LRRC7: variants seen among roughly 807,000 people sequenced by gnomAD.
LRRC7 encodes leucine rich repeat containing 7.
In LRRC7, 23 loss-of-function variants were observed where a neutral mutation model predicts 175.7. The observed-to-expected ratio is 0.13, with a 90% CI of 0.09 to 0.19. LRRC7 has a LOEUF of 0.19. LRRC7 is among the 10% of genes least tolerant of loss of function. The pLI is 1.00. For synonymous variants in LRRC7, 685 were observed against 680.9 expected (o/e 1.01, Z -0.09); for missense variants, 1,354 against 1,904.7 (o/e 0.71, Z 5.38).
chr1:69,724,898 A>G (rs1666772702), intron 2 of LRRC7, among the ~76,000 whole-genome samples: 1 of 152,130 alleles, frequency 6.6e-6, no homozygotes, highest in South Asian at 2.1e-4. Context: ...TGGTTCATAT[A>G]TTTAGTTTTT....
intron 18 of LRRC7, among the ~76,000 whole-genome samples, chr1:70,034,077 T>C (rs1045284091): frequency 2.6e-5 from 4 of 152,118 alleles, no homozygotes; most frequent in African/African-American, 9.7e-5. Flanking sequence ...ATTAATAAAA[T>C]ATAAAAATAG....
At chr1:70,020,142 G>GT (rs1657330519) in intron 15 of LRRC7, among the ~76,000 whole-genome samples, 1 of 151,964 alleles carries the variant, frequency 6.6e-6, no homozygotes, top group Non-Finnish European at 1.5e-5. Context: ...TCATCCTTTG[G>GT]TTTTCCAGGC....
chr1:69,916,780 A>C (rs1455230331), intron 7 of LRRC7, among the ~76,000 whole-genome samples: 1 of 152,162 alleles, frequency 6.6e-6, no homozygotes, highest in Non-Finnish European at 1.5e-5. Context: ...TTGGCAAGTT[A>C]CTTGCGCTCA....
intron 2 of LRRC7, among the ~76,000 whole-genome samples, chr1:69,704,665 CTT>C (rs886115164): frequency 6.6e-6 from 1 of 151,884 alleles, no homozygotes; most frequent in African/African-American, 2.4e-5. Flanking sequence ...CACTTTATAA[CTT>C]TATTATTTCC....
At chr1:69,918,451 A>G (rs1408865694) in intron 7 of LRRC7, among the ~76,000 whole-genome samples, 1 of 152,160 alleles carries the variant, frequency 6.6e-6, no homozygotes, top group Non-Finnish European at 1.5e-5. Flanking sequence ...GAAATTAAAA[A>G]CCCTGTTACA....
At chr1:69,753,296 ATG>A (rs35799015) in intron 2 of LRRC7, among the ~76,000 whole-genome samples, 1,961 of 146,318 alleles carry the variant, frequency 0.013, 46 homozygotes, top group African/African-American at 0.041. Context: ...GTGTGTGTGT[ATG>A]TGTGTGTGTG....
At chr1:69,687,784 A>T (rs1661372004) in intron 2 of LRRC7, among the ~76,000 whole-genome samples, 1 of 152,110 alleles carries the variant, frequency 6.6e-6, no homozygotes, top group African/African-American at 2.4e-5. Context: ...TTTTGTGTTT[A>T]TATAACTGAA....
intron 8 of LRRC7, among the ~76,000 whole-genome samples, chr1:69,971,816 C>A (rs1411919643): frequency 1.3e-5 from 2 of 152,100 alleles, no homozygotes; most frequent in Non-Finnish European, 2.9e-5. Context: ...ATAGCCAAAG[C>A]AAGACTAAGC....
intron 1 of LRRC7, among the ~76,000 whole-genome samples, chr1:69,611,886 A>C (rs1648805122): frequency 1.3e-5 from 2 of 152,094 alleles, no homozygotes; most frequent in South Asian, 4.1e-4. Flanking sequence ...GGAAATGTGC[A>C]CATCGAATGA....
At position 70,142,452 on chromosome 1, in the gene LRRC7, AATTGACAGATAAAC is replaced by A. The variant is rs1667100817; in HGVS notation, c.*20567_*20580del. On this transcript the variant is annotated 3_prime_UTR_variant, in exon 27 of 27. Transcript: ENST00000651989. Reference sequence around the variant, plus strand: ...TTCTGTTTGAAATGAAGAGAAAGGTAATTGACAGATAAACAGATAGTTTTTGTTTGAAGAGCCAA... The same window carrying A: ...TTCTGTTTGAAATGAAGAGAAAGGTAAGATAGTTTTTGTTTGAAGAGCCAA... 6.6e-6 allele frequency: 1 copy of A among 152,132 alleles called. No individual in the cohort carries two copies. The highest frequency in any genetic ancestry group is 6.5e-5 in the Admixed American group (1 of 15,270). The allele number at this position is 152,132 out of a possible 1,614,324, so 9.4% of individuals were successfully genotyped here.
At chr1:69,878,212 G>T (rs557191938) in intron 7 of LRRC7, among the ~76,000 whole-genome samples, 22 of 149,230 alleles carry the variant, frequency 1.5e-4, no homozygotes, top group African/African-American at 5.2e-4. Flanking sequence ...GATACTACAG[G>T]TATCACAAGC....
At position 70,084,199 on chromosome 1, in the gene LRRC7, T is replaced by C. The variant is rs114868694; in HGVS notation, c.4453-5528T>C. 3.8e-3 allele frequency among the ~76,000 whole-genome samples: 583 copies of C among 152,304 alleles called. 3 individuals are homozygous for C. The highest frequency in any genetic ancestry group is 0.013 in the African/African-American group (551 of 41,570). ...TTATATACAGTAAAGTTCATCTGCT[T>C]AAAGTGTATAATTTATTGTTTTCAT... On this transcript the variant is annotated intron_variant, in intron 24 of 26. Coordinates refer to ENST00000651989, the MANE Select transcript of LRRC7 (RefSeq NM_001370785.2).
At chr1:69,716,797 A>C (rs1039191445) in intron 2 of LRRC7, among the ~76,000 whole-genome samples, 1 of 151,880 alleles carries the variant, frequency 6.6e-6, no homozygotes, top group African/African-American at 2.4e-5. Context: ...TGTTTAGATA[A>C]ATGGATAAAA....
chr1:69,874,123 A>G (rs1444078664), intron 7 of LRRC7: 2 of 152,080 alleles, frequency 1.3e-5, no homozygotes. Context: ...GATTTTATGT[A>G]TCCTTTCATC....
intron 2 of LRRC7, among the ~76,000 whole-genome samples, chr1:69,683,113 C>G (rs1660702305): frequency 6.6e-6 from 1 of 152,124 alleles, no homozygotes; most frequent in Non-Finnish European, 1.5e-5. Flanking sequence ...TCTTTCAAAG[C>G]CTGAGCTTCC....
At chr1:69,639,505 A>G (rs1653881817) in intron 1 of LRRC7, among the ~76,000 whole-genome samples, 1 of 151,838 alleles carries the variant, frequency 6.6e-6, no homozygotes, top group African/African-American at 2.4e-5. Flanking sequence ...TTTACTACCC[A>G]AACAAGCTCT....
intron 1 of LRRC7, among the ~76,000 whole-genome samples, chr1:69,653,226 CTG>C (rs1220200702): frequency 1.3e-5 from 2 of 151,886 alleles, no homozygotes; most frequent in Admixed American, 1.3e-4. Flanking sequence ...TATACAGAAA[CTG>C]TTAAAATTCA....
At chr1:69,773,965 G>A (rs1672531084) in intron 3 of LRRC7, among the ~76,000 whole-genome samples, 1 of 152,166 alleles carries the variant, frequency 6.6e-6, no homozygotes, top group African/African-American at 2.4e-5. Context: ...ACTGCAGCAA[G>A]CTATGATCAC....
chr1:69,718,142 G>GAGAAAGAAAGAAAGAA (rs761585823), intron 2 of LRRC7, among the ~76,000 whole-genome samples: 2,191 of 73,732 alleles, frequency 0.03, 92 homozygotes, highest in East Asian at 0.053. Context: ...AAGAAAGAGA[G>GAGAAAGAAAGAAAGAA]AGAAAGAAAG....
Sources: gnomAD v4.1 joint callset for allele counts (sites outside exome capture counted in the v4.1 genomes callset) on GRCh38, gnomAD v4.1.1 for gene constraint, MANE v1.5 for transcripts, NCBI Gene and HGNC (gene_info 2026-07-23, HGNC 2026-07-21) for gene names.